The following CMKLR2 variants were observed in gnomAD, a reference collection of about 807,000 sequenced individuals.
CMKLR2 encodes chemerin chemokine-like receptor 2.
Under a neutral mutation model 23.0 loss-of-function variants are expected in CMKLR2, and 18 were observed. The ratio of observed to expected loss-of-function variants is 0.78; its 90% CI spans 0.54 to 1.16. The LOEUF is 1.16. Among genes scored for constraint, CMKLR2 ranks in the 50% most tolerant of loss-of-function variants. The pLI is 0.00. For missense variants in CMKLR2, 401 were observed against 412.7 expected, an observed-to-expected ratio of 0.97 and a Z score of 0.25; for synonymous variants, 158 against 158.9, an observed-to-expected ratio of 0.99 and a Z score of 0.05.
chr2:206,176,503 G>C lies in CMKLR2; in HGVS notation c.745C>G (p.Leu249Val). Reference protein sequence around the residue: ...LISSRHFWTILVVVVAFVVCW... With the variant: ...LISSRHFWTIVVVVVAFVVCW... ...ACCACAAAGGCCACAACCACAACCAGAATTGTCCAGAAATGCCTACTGGAG... is the reference window on the plus strand; with the variant it reads ...ACCACAAAGGCCACAACCACAACCACAATTGTCCAGAAATGCCTACTGGAG... The change falls in exon 2 of 2, where the codon CTG becomes GTG. Residue 249 changes from leucine (L) to valine (V), a missense_variant. By Grantham distance (32) the Leu-to-Val change is conservative. Coordinates refer to ENST00000621141, the MANE Select transcript of CMKLR2 (RefSeq NM_001389445.1). 1.2e-6 allele frequency: 2 copies of C among 1,614,146 alleles called. No individual in the cohort carries two copies. The highest frequency in any genetic ancestry group is 1.7e-6 in the Non-Finnish European group (2 of 1,180,030).
chr2:206,202,693 G>T (rs1018672628), intron 1 of CMKLR2, among the ~76,000 whole-genome samples: 44 of 152,138 alleles, frequency 2.9e-4, no homozygotes, highest in Admixed American at 2.9e-3. Context: ...GGGTGGGGAT[G>T]GGGGAGGTGG....
In CMKLR2 at chr2:206,176,538, C is replaced by T. The variant is rs957036197; in HGVS notation, c.710G>A (p.Ser237Asn). Residue 237 changes from serine to asparagine, a missense_variant, in exon 2 of 2, where the codon AGC becomes AAC. Transcript: ENST00000621141. ...LCLIFKVKKR[S>N]ILISSRHFWT... ...GAAATGCCTACTGGAGATCAGGATG[C>T]TTCGCTTCTTCACCTTGAAGATGAG... is the stretch of plus-strand genomic sequence containing the variant. 3 of 1,613,980 alleles carry T rather than the reference C, an allele frequency of 1.9e-6. No homozygotes were observed. The African/African-American group carries it at 4.0e-5, about 22-fold the overall frequency.
At chr2:206,200,735 T>C (rs895901755) in intron 1 of CMKLR2, among the ~76,000 whole-genome samples, 2 of 152,200 alleles carry the variant, frequency 1.3e-5, no homozygotes, top group Admixed American at 1.3e-4. Flanking sequence ...GTAGCTGGGA[T>C]TACAGGCATG....
intron 1 of CMKLR2, 100 bp downstream of exon 1, chr2:206,213,207 T>A (rs1689634268): frequency 6.6e-6 from 1 of 152,188 alleles, no homozygotes; most frequent in South Asian, 2.1e-4. Context: ...CAGCTGGTAG[T>A]TAGTCAAATG....
rs552525617 is a variant in CMKLR2 at position 206,194,608 on chromosome 2, G to C, written c.-28-17333C>G. On this transcript the variant is annotated intron_variant, in intron 1 of 1. Coordinates refer to ENST00000621141, the MANE Select transcript of CMKLR2 (RefSeq NM_001389445.1). ...AAGTAGCCACGCCCGGCTAATTTTT[G>C]TATTTTTAGTAGAGACAGGGTTTCA... Among the ~76,000 whole-genome samples the C allele has an allele frequency of 1.2e-4, 18 of 151,524 alleles. No homozygotes were observed. The South Asian group carries it at 3.5e-3, about 30-fold the overall frequency.
intron 1 of CMKLR2, among the ~76,000 whole-genome samples, 170 bp downstream of exon 1, chr2:206,213,137 A>T (rs895570143): frequency 1.3e-5 from 2 of 152,222 alleles, no homozygotes; most frequent in African/African-American, 4.8e-5. Flanking sequence ...CCAAGACCAA[A>T]AATATGAATC....
At chr2:206,181,951 C>CA (rs34520665) in intron 1 of CMKLR2, among the ~76,000 whole-genome samples, 3,034 of 68,142 alleles carry the variant, frequency 0.045, 147 homozygotes, top group African/African-American at 0.13. Context: ...AACTCCACCT[C>CA]AAAAAAAAAA....
chr2:206,214,669 G>A (rs1341505183), upstream of CMKLR2, among the ~76,000 whole-genome samples: 1 of 151,982 alleles, frequency 6.6e-6, no homozygotes, highest in African/African-American at 2.4e-5. Flanking sequence ...TGTTGCCCAG[G>A]ATGGAGTGCA....
At position 206,207,149 on chromosome 2, in the gene CMKLR2, AT is replaced by A. The variant is rs3081587; in HGVS notation, c.-29+6157del. On this transcript the variant is annotated intron_variant, in intron 1 of 1. Coordinates refer to ENST00000621141, the MANE Select transcript of CMKLR2 (RefSeq NM_001389445.1). The stretch of plus-strand genomic sequence containing the variant: ...TTGTCACTGTCATGTGTTGCTTATA[AT>A]TTTTTTTTTTTTTTTTGAGACAGAG... Among the ~76,000 whole-genome samples the A allele has an allele frequency of 3.8e-3, 525 of 137,742 alleles. 9 individuals are homozygous for A. The highest frequency in any genetic ancestry group is 0.013 in the African/African-American group (463 of 36,918). 90.4% of individuals were successfully genotyped at this position (137,742 alleles called of 152,430 possible).
chr2:206,210,237 C>G (rs143322678), intron 1 of CMKLR2, among the ~76,000 whole-genome samples: 2 of 152,214 alleles, frequency 1.3e-5, no homozygotes, highest in African/African-American at 4.8e-5. Flanking sequence ...AGCCACCATG[C>G]CTGGCCCTGT....
upstream of CMKLR2, among the ~76,000 whole-genome samples, chr2:206,215,015 A>C (rs3796048): frequency 0.036 from 5,536 of 152,010 alleles, 227 homozygotes; most frequent in African/African-American, 0.1. Context: ...CAGCTGCCAG[A>C]GAAGCACAGG....
chr2:206,203,519 A>G (rs1689187308), intron 1 of CMKLR2: 1 of 151,898 alleles, frequency 6.6e-6, no homozygotes, highest in Non-Finnish European at 1.5e-5. Flanking sequence ...CTCCGTAAAA[A>G]CCAGAGCTTC....
Position 206,177,109 on chromosome 2 carries a change from A to G in CMKLR2, c.139T>C (p.Leu47=). 3 of 1,614,224 alleles carry G rather than the reference A, an allele frequency of 1.9e-6. No homozygotes were observed. Among genetic ancestry groups the G allele is most frequent in the East Asian group, 2.2e-5 (1 of 44,884 alleles). Residue 47 remains leucine (L), a synonymous_variant, in exon 2 of 2, where the codon TTG becomes CTG. Coordinates refer to ENST00000621141, the MANE Select transcript of CMKLR2 (RefSeq NM_001389445.1). ...VHWVSLVLYC[L]AFVLGIPGNA... ...CCTGGAATTCCCAGAACAAAAGCCAAACAATATAACACCAGGGAGACCCAG... is the reference window on the plus strand; with the variant it reads ...CCTGGAATTCCCAGAACAAAAGCCAGACAATATAACACCAGGGAGACCCAG...
intron 1 of CMKLR2, among the ~76,000 whole-genome samples, chr2:206,184,626 A>C (rs1688522409): frequency 6.6e-6 from 1 of 151,992 alleles, no homozygotes; most frequent in African/African-American, 2.4e-5. Flanking sequence ...TCACAGTCTG[A>C]GGTAATGGGG....
At chr2:206,216,952 T>A (rs561249111), upstream of CMKLR2, among the ~76,000 whole-genome samples, 1 of 152,208 alleles carries the variant, frequency 6.6e-6, no homozygotes, top group South Asian at 2.1e-4. Context: ...CTTTCTTGCA[T>A]GACGTTAAAT....
chr2:206,189,646 A>G (rs533827335), intron 1 of CMKLR2, among the ~76,000 whole-genome samples: 311 of 152,176 alleles, frequency 2.0e-3, no homozygotes, highest in African/African-American at 7.0e-3. Flanking sequence ...AAAGAAAAAA[A>G]AAAAAGAAAA....
chr2:206,212,038 G>C (rs568293405), intron 1 of CMKLR2, among the ~76,000 whole-genome samples: 1 of 151,942 alleles, frequency 6.6e-6, no homozygotes, highest in South Asian at 2.1e-4. Flanking sequence ...ATCTAAGAGG[G>C]AACAGGAGAA....
At chr2:206,189,074 A>T (rs1327235579) in intron 1 of CMKLR2, among the ~76,000 whole-genome samples, 1 of 152,192 alleles carries the variant, frequency 6.6e-6, no homozygotes, top group African/African-American at 2.4e-5. Context: ...AGAGAGGTTT[A>T]ATTTTGTTCT....
Position 206,176,730 on chromosome 2 carries a change from AG to A in CMKLR2, c.517del (p.Leu173CysfsTer28). 6.2e-7 allele frequency: 1 copy of A among 1,614,210 alleles called. No homozygotes were observed. The highest frequency in any genetic ancestry group is 8.5e-7 in the Non-Finnish European group (1 of 1,180,034). On this transcript the variant is annotated frameshift_variant, in exon 2 of 2. Transcript: ENST00000621141. LOFTEE classifies it high-confidence loss of function. Reference protein sequence around the residue: ...LLASLIGGPALYFRDTVEFNN... With the variant: ...LLASLIGGPAXYFRDTVEFNN... ...GAACTCCACAGTGTCCCGGAAGTAC[AG>A]GGCAGGACCGCCAATTAGAGAAGCC...
Sources: gnomAD v4.1 joint callset for allele counts (sites outside exome capture counted in the v4.1 genomes callset) on GRCh38, gnomAD v4.1.1 for gene constraint, MANE v1.5 for transcripts, NCBI Gene and HGNC (gene_info 2026-07-23, HGNC 2026-07-21) for gene names.